The following ZNF804B variants were observed in gnomAD, a reference collection of about 807,000 sequenced individuals.
ZNF804B encodes the protein zinc finger protein 804B.
ZNF804B carries 80 observed loss-of-function variants against 101.4 expected under a neutral mutation model. That is an observed-to-expected ratio of 0.79 (90% CI 0.66 to 0.95). ZNF804B has a LOEUF of 0.95. Ranked by LOEUF, ZNF804B falls within the 40% of genes least tolerant of loss-of-function variation. The pLI is 0.00. For synonymous variants in ZNF804B, 622 were observed against 558.8 expected (o/e 1.11, Z -1.59); for missense variants, 1,673 against 1,561.9 (o/e 1.07, Z -1.20).
At chr7:89,304,587 TA>T (rs141241280) in intron 2 of ZNF804B, among the ~76,000 whole-genome samples, 31,311 of 151,776 alleles carry the variant, frequency 0.21, 4,016 homozygotes, top group Admixed American at 0.27. Context: ...TTTTGTTAGC[TA>T]AAAAAGCTAA....
intron 1 of ZNF804B, among the ~76,000 whole-genome samples, chr7:89,153,154 T>C (rs1192730140): frequency 6.6e-6 from 1 of 151,960 alleles, no homozygotes; most frequent in African/African-American, 2.4e-5. Flanking sequence ...ACTGACCAGA[T>C]GACCTCGCTC....
rs573377923 is a variant in ZNF804B, at chr7:88,855,069, G to C, written c.108+94985G>C. ...GAATAGTGCCACAATAAACATACCT[G>C]TGCATGTGTCTTATAGCAGCATGAT... On this transcript the variant is annotated intron_variant, in intron 1 of 3. Coordinates refer to ENST00000333190, the MANE Select transcript of ZNF804B (RefSeq NM_181646.5). Among the ~76,000 whole-genome samples the C allele has an allele frequency of 3.3e-5, 5 of 152,110 alleles. No homozygotes were observed. The East Asian group carries it at 7.8e-4, about 24-fold the overall frequency.
chr7:88,944,865 A>G (rs1325468346), intron 1 of ZNF804B, among the ~76,000 whole-genome samples: 1 of 151,928 alleles, frequency 6.6e-6, no homozygotes, highest in African/African-American at 2.4e-5. Flanking sequence ...CATGCACGAA[A>G]GTATTAAATA....
intron 1 of ZNF804B, among the ~76,000 whole-genome samples, chr7:88,851,411 A>T (rs1459830527): frequency 6.6e-6 from 1 of 152,082 alleles, no homozygotes; most frequent in Non-Finnish European, 1.5e-5. Flanking sequence ...GGAGAGAGGA[A>T]CAAAGACACC....
chr7:88,893,759 A>G (rs759584027), intron 1 of ZNF804B, among the ~76,000 whole-genome samples: 93 of 152,332 alleles, frequency 6.1e-4, no homozygotes, highest in Non-Finnish European at 1.0e-3. Context: ...ATAATAGACA[A>G]TAGCTTCCAA....
intron 1 of ZNF804B, among the ~76,000 whole-genome samples, chr7:89,074,058 T>G (rs1200916853): frequency 6.6e-6 from 1 of 152,064 alleles, no homozygotes; most frequent in Non-Finnish European, 1.5e-5. Context: ...GAAGTAAAGA[T>G]GAGAAATGGG....
At chr7:89,265,458 A>G (rs1789778883) in intron 2 of ZNF804B, among the ~76,000 whole-genome samples, 1 of 152,134 alleles carries the variant, frequency 6.6e-6, no homozygotes, top group South Asian at 2.1e-4. Flanking sequence ...CCATAATTTA[A>G]TTTGCATAGA....
chr7:89,289,220 A>G (rs758899), intron 2 of ZNF804B, among the ~76,000 whole-genome samples: 112,372 of 152,028 alleles, frequency 0.74, 42,560 homozygotes, highest in African/African-American at 0.86. Context: ...AGTAGTAGCC[A>G]TAAACTCAAC....
chr7:89,158,746 A>C (rs559403837), intron 1 of ZNF804B, among the ~76,000 whole-genome samples: 1 of 152,136 alleles, frequency 6.6e-6, no homozygotes, highest in South Asian at 2.1e-4. Context: ...CCAACTTTTC[A>C]TCCTCCAGGT....
At chr7:88,861,690 CTTTACAGTTTCAGTGTACAA>C (rs1160190030) in intron 1 of ZNF804B, among the ~76,000 whole-genome samples, 6 of 152,248 alleles carry the variant, frequency 3.9e-5, no homozygotes, top group Admixed American at 3.9e-4. Flanking sequence ...TGCACTTACT[CTTTACAGTTTCAGTGTACAA>C]TTTACAGTTT....
chr7:89,161,817 A>C (rs563685661), intron 1 of ZNF804B, among the ~76,000 whole-genome samples: 2 of 152,232 alleles, frequency 1.3e-5, no homozygotes, highest in East Asian at 1.9e-4. Context: ...ATTCACTCAT[A>C]TGTTTGTTAT....
chr7:89,109,488 G>C (rs1457480446), intron 1 of ZNF804B, among the ~76,000 whole-genome samples: 1 of 152,162 alleles, frequency 6.6e-6, no homozygotes, highest in Non-Finnish European at 1.5e-5. Context: ...CTCCTAGGCA[G>C]ATTTGGGCCA....
intron 1 of ZNF804B, among the ~76,000 whole-genome samples, chr7:88,972,822 G>A (rs1793557428): frequency 6.6e-6 from 1 of 151,122 alleles, no homozygotes; most frequent in African/African-American, 2.4e-5. Context: ...GTCAAAAATA[G>A]AAGATGTGTT....
intron 1 of ZNF804B, among the ~76,000 whole-genome samples, chr7:89,087,080 G>T (rs1466988986): frequency 1.3e-5 from 2 of 149,842 alleles, no homozygotes; most frequent in African/African-American, 2.5e-5. Flanking sequence ...AAGAAAGGAA[G>T]CACAATTTTC....
chr7:89,137,238 A>T (rs1314251937), intron 1 of ZNF804B, among the ~76,000 whole-genome samples: 1 of 152,092 alleles, frequency 6.6e-6, no homozygotes, highest in Non-Finnish European at 1.5e-5. Flanking sequence ...GATGATGTTA[A>T]GGTGAAAGCT....
chr7:89,156,038 TTC>T (rs1491095048), intron 1 of ZNF804B, among the ~76,000 whole-genome samples: 30 of 66,422 alleles, frequency 4.5e-4, no homozygotes, highest in Admixed American at 8.4e-4. Flanking sequence ...CTTTCTTTCT[TTC>T]TTTCTTTCTT....
rs1052678139 is a variant in ZNF804B at position 89,307,524 on chromosome 7, C to T, written c.250-19820C>T. Among the ~76,000 whole-genome samples, 3 of 152,032 alleles carry T rather than the reference C, an allele frequency of 2.0e-5. No individual in the cohort carries two copies. The Middle Eastern group carries it at 0.01, about 517-fold the overall frequency. ...TCCCACGTATTTATGAAATATATTG[C>T]CACTTAAATTATAAATTTGATTCTA... On this transcript the variant is annotated intron_variant, in intron 2 of 3. Transcript: ENST00000333190.
intron 1 of ZNF804B, among the ~76,000 whole-genome samples, chr7:89,016,945 A>G (rs753245898): frequency 6.8e-4 from 104 of 152,250 alleles, no homozygotes; most frequent in Middle Eastern, 3.4e-3. Flanking sequence ...CGTTTTCACG[A>G]TATTGATTCT....
At chr7:88,790,445 C>G (rs1419845680) in intron 1 of ZNF804B, among the ~76,000 whole-genome samples, 2 of 151,954 alleles carry the variant, frequency 1.3e-5, no homozygotes, top group Admixed American at 6.6e-5. Context: ...CTGACAGGCC[C>G]TAGTGGGTGT....
Sources: gnomAD v4.1 joint callset for allele counts (sites outside exome capture counted in the v4.1 genomes callset) on GRCh38, gnomAD v4.1.1 for gene constraint, MANE v1.5 for transcripts, NCBI Gene and HGNC (gene_info 2026-07-23, HGNC 2026-07-21) for gene names.